The following ZNF433 variants were observed in gnomAD, a reference collection of about 807,000 sequenced individuals.
ZNF433 encodes zinc finger protein 433.
A neutral mutation model predicts 10.6 loss-of-function variants in ZNF433; 12 were observed. The ratio of observed to expected loss-of-function variants is 1.13; its 90% CI spans 0.72 to 1.83. The LOEUF is 1.83. ZNF433 is among the 40% of genes most tolerant of loss of function. The probability of loss-of-function intolerance (pLI) is 0.00; values close to 1 mark genes in which losing one functional copy is unlikely to be tolerated. For missense variants in ZNF433, 737 were observed against 798.0 expected (o/e 0.92, Z 0.92); for synonymous variants, 272 against 271.3 (o/e 1.00, Z -0.02).
intron 2 of ZNF433, 54 bp downstream of exon 2, chr19:12,018,108 GAAAA>G: frequency 4.0e-6 from 5 of 1,246,986 alleles, no homozygotes; most frequent in Non-Finnish European, 5.4e-6. Flanking sequence ...CTTGTTCTCA[GAAAA>G]AAAAAAAAAC....
At chr19:12,030,369 C>T (rs1418698836) in intron 1 of ZNF433, among the ~76,000 whole-genome samples, 2 of 151,960 alleles carry the variant, frequency 1.3e-5, no homozygotes, top group Admixed American at 1.3e-4. Flanking sequence ...TACAGGTGCG[C>T]ATCACCAAGC....
intron 1 of ZNF433, chr19:12,030,260 C>G: frequency 2.5e-6 from 1 of 408,096 alleles, no homozygotes; most frequent in Admixed American, 3.0e-5. Flanking sequence ...GTCTCACCGT[C>G]ACCAGGATGG....
At chr19:12,030,176 T>C (rs568756086) in intron 1 of ZNF433, 7 of 449,028 alleles carry the variant, frequency 1.6e-5, no homozygotes, top group Middle Eastern at 3.3e-4. Flanking sequence ...AACATGGACT[T>C]CATAACTTCC....
intron 1 of ZNF433, among the ~76,000 whole-genome samples, chr19:12,033,730 G>A (rs1975143341): frequency 1.3e-5 from 2 of 151,492 alleles, no homozygotes; most frequent in African/African-American, 2.4e-5. Context: ...GCTGAGTCAG[G>A]AGAATGGCGT....
intron 1 of ZNF433, among the ~76,000 whole-genome samples, chr19:12,029,779 T>C (rs975368806): frequency 6.6e-6 from 1 of 151,398 alleles, no homozygotes; most frequent in African/African-American, 2.4e-5. Flanking sequence ...CTCTGTCATG[T>C]GAAAAAATAA....
chr19:12,022,398 T>A (rs2067908977), intron 1 of ZNF433, among the ~76,000 whole-genome samples: 2 of 152,236 alleles, frequency 1.3e-5, no homozygotes, highest in African/African-American at 4.8e-5. Context: ...CTCTCAGCTC[T>A]GAAGGCTGTC....
At chr19:12,021,489 A>G (rs994377486) in intron 1 of ZNF433, among the ~76,000 whole-genome samples, 3 of 152,178 alleles carry the variant, frequency 2.0e-5, no homozygotes, top group Non-Finnish European at 2.9e-5. Context: ...CTGACACTTC[A>G]CCAAGTTCCA....
rs1402736586 is a variant in ZNF433 at position 12,015,213 on chromosome 19, G to A, written c.1645C>T (p.His549Tyr). The change falls in exon 4 of 4, where the codon CAT becomes TAT. Residue 549 changes from histidine to tyrosine, a missense_variant. Coordinates refer to ENST00000550507, the MANE Select transcript of ZNF433 (RefSeq NM_001308348.2). ...AFRSASQLQI[H>Y]GRTHTGEKPY... ...TTCTCTCCAGTGTGAGTCCTTCCAT[G>A]AATTTGAAGCTGTGAGGCAGATCTG... 7 of 1,613,794 alleles carry A rather than the reference G, an allele frequency of 4.3e-6. No homozygotes were observed. The highest frequency in any genetic ancestry group is 5.9e-6 in the Non-Finnish European group (7 of 1,179,924).
chr19:12,027,018 G>T (rs1187035021), intron 1 of ZNF433: 1 of 450,252 alleles, frequency 2.2e-6, no homozygotes, highest in South Asian at 1.6e-5. Flanking sequence ...ATCAAAATTT[G>T]GGAAAGGATA....
chr19:12,021,216 C>T (rs1599359535), intron 1 of ZNF433, among the ~76,000 whole-genome samples: 1 of 151,922 alleles, frequency 6.6e-6, no homozygotes. Flanking sequence ...CTCCTGACCT[C>T]GTGATTCACC....
chr19:12,026,935 A>G (rs773923606), intron 1 of ZNF433: 3 of 454,032 alleles, frequency 6.6e-6, no homozygotes, highest in African/African-American at 4.0e-5. Flanking sequence ...TGGCACCTCA[A>G]CCTCAAATGA....
rs769301823 is a variant in ZNF433 at position 12,015,626 on chromosome 19, C to A, written c.1232G>T (p.Arg411Ile). The change falls in exon 4 of 4, where the codon AGA becomes ATA. Residue 411 changes from arginine (R) to isoleucine (I), a missense_variant. Transcript: ENST00000550507. ...GTAAGGTTTCTCTCCAGTGTGAGTT[C>A]TTTCATGATATCGGAAGGAACTGGA... Reference protein sequence around the residue: ...NSSSSFRYHERTHTGEKPYEC... With the variant: ...NSSSSFRYHEITHTGEKPYEC... The A allele has an allele frequency of 8.1e-6, 13 of 1,613,794 alleles. No homozygotes were observed. Among genetic ancestry groups the A allele is most frequent in the Admixed American group, 1.7e-5 (1 of 59,974 alleles).
At chr19:12,021,991 T>C (rs1315120871) in intron 1 of ZNF433, 1 of 456,584 alleles carries the variant, frequency 2.2e-6, no homozygotes, top group East Asian at 7.0e-5. Context: ...CGTCACGCTG[T>C]GATAGAGACT....
At chr19:12,021,986 C>G (rs564239285) in intron 1 of ZNF433, 9 of 456,644 alleles carry the variant, frequency 2.0e-5, no homozygotes, top group South Asian at 1.2e-4. Flanking sequence ...TCAACCGTCA[C>G]GCTGTGATAG....
intron 1 of ZNF433, chr19:12,026,055 G>C (rs1395162947): frequency 2.0e-5 from 3 of 152,494 alleles, no homozygotes; most frequent in African/African-American, 7.2e-5. Context: ...GATGCTATCA[G>C]CAGCTGAACA....
rs769303779 is a variant in ZNF433, at chr19:12,016,686, C to CA, written c.192-21dup. The CA allele has an allele frequency of 5.6e-6, 9 of 1,603,150 alleles. No individual in the cohort carries two copies. In the South Asian group the frequency reaches 9.0e-5, roughly 16 times the overall value. On this transcript the variant is annotated intron_variant, in intron 3 of 3. Coordinates refer to ENST00000550507, the MANE Select transcript of ZNF433 (RefSeq NM_001308348.2). ...ACAATTCTGTGAACAATAAGAAGTACATTATAATGGGTTTGATTATCAGTG... is the reference window on the plus strand; with the variant it reads ...ACAATTCTGTGAACAATAAGAAGTACAATTATAATGGGTTTGATTATCAGTG...
Position 12,015,119 on chromosome 19 carries a change from G to T in ZNF433, c.1739C>A (p.Thr580Asn). Residue 580 changes from threonine (T) to asparagine (N), a missense_variant, in exon 4 of 4, where the codon ACT becomes AAT. Physicochemically the swap from Thr to Asn is moderately conservative, Grantham distance 65. Transcript: ENST00000550507. Reference protein sequence around the residue: ...SASHLQMHGRTHTGEKPYECK... With the variant: ...SASHLQMHGRNHTGEKPYECK... ...TTCATAGGGTTTCTCTCCAGTGTGA[G>T]TCCTTCCATGCATTTGAAGGTGTGA... is the stretch of plus-strand genomic sequence containing the variant. The T allele has an allele frequency of 2.5e-6, 4 of 1,614,082 alleles. No homozygotes were observed.
At position 12,015,587 on chromosome 19, in the gene ZNF433, C is replaced by T. The variant is rs766318117; in HGVS notation, c.1271G>A (p.Cys424Tyr). The T allele has an allele frequency of 1.9e-6, 3 of 1,614,056 alleles. No individual in the cohort carries two copies. The highest frequency in any genetic ancestry group is 2.5e-6 in the Non-Finnish European group (3 of 1,180,020). The change falls in exon 4 of 4, where the codon TGT becomes TAT. Residue 424 changes from cysteine (C) to tyrosine (Y), a missense_variant. Physicochemically the swap from Cys to Tyr is radical, Grantham distance 194 (BLOSUM62 -2). Transcript: ENST00000550507. ...TGAGGCAGATCTGAAGGCTTTCCCA[C>T]ATTGCTTACACTCGTAAGGTTTCTC... ...TGEKPYECKQ[C>Y]GKAFRSASLL...
chr19:12,022,555 C>T (rs944967370), intron 1 of ZNF433, among the ~76,000 whole-genome samples: 3 of 152,066 alleles, frequency 2.0e-5, no homozygotes, highest in African/African-American at 7.2e-5. Context: ...CAAAGTGTCA[C>T]CGGAGTAACA....
Sources: gnomAD v4.1 joint callset for allele counts (sites outside exome capture counted in the v4.1 genomes callset) on GRCh38, gnomAD v4.1.1 for gene constraint, MANE v1.5 for transcripts, NCBI Gene and HGNC (gene_info 2026-07-23, HGNC 2026-07-21) for gene names.